Variants in ERCC6L2 observed in about 807,000 individuals in gnomAD.
ERCC6L2 encodes the protein ERCC excision repair 6 like 2.
In ERCC6L2, 77 loss-of-function variants were observed where a neutral mutation model predicts 132.0. The observed-to-expected ratio is 0.58, with a 90% CI of 0.49 to 0.71. ERCC6L2 has a LOEUF of 0.71. Among genes scored for constraint, ERCC6L2 ranks in the 30% least tolerant of loss-of-function variants. The pLI is 0.00. For synonymous variants in ERCC6L2, 583 were observed against 632.4 expected, an observed-to-expected ratio of 0.92 and a Z score of 1.17; for missense variants, 1,542 against 1,837.6, an observed-to-expected ratio of 0.84 and a Z score of 2.94.
intron 2 of ERCC6L2, among the ~76,000 whole-genome samples, chr9:95,882,916 G>GAT (rs1351355195): frequency 1.3e-5 from 2 of 152,194 alleles, no homozygotes; most frequent in Non-Finnish European, 2.9e-5. Flanking sequence ...GTGGAGGATA[G>GAT]ACAGCAAGAA....
chr9:95,878,018 A>AC (rs1827381255), intron 1 of ERCC6L2, among the ~76,000 whole-genome samples: 2 of 152,298 alleles, frequency 1.3e-5, no homozygotes, highest in South Asian at 4.1e-4. Flanking sequence ...TAAAATGATG[A>AC]GATAGAGAAT....
chr9:95,929,289 A>T (rs893610402), intron 11 of ERCC6L2, among the ~76,000 whole-genome samples: 6 of 152,198 alleles, frequency 3.9e-5, no homozygotes, highest in African/African-American at 1.4e-4. Context: ...CCTCTACCTC[A>T]TCTCAACTGG....
rs927058404 is a variant in ERCC6L2, at chr9:95,909,178, G to C, written c.788+1907G>C. Among the ~76,000 whole-genome samples, 3 of 152,202 alleles carry C rather than the reference G, an allele frequency of 2.0e-5. No homozygotes were observed. In the East Asian group the frequency reaches 5.8e-4, roughly 29 times the overall value. On this transcript the variant is annotated intron_variant, in intron 4 of 18. Coordinates refer to ENST00000653738, the MANE Select transcript of ERCC6L2 (RefSeq NM_020207.7). ...TTTGATGAATCTTGACCAGGGATTGGTAAACTTTTTCTGTAAAGGGCCAGA... is the reference window on the plus strand; with the variant it reads ...TTTGATGAATCTTGACCAGGGATTGCTAAACTTTTTCTGTAAAGGGCCAGA...
downstream of ERCC6L2, among the ~76,000 whole-genome samples, chr9:96,022,881 A>G (rs1299493757): frequency 6.6e-6 from 1 of 152,028 alleles, no homozygotes; most frequent in East Asian, 1.9e-4. Context: ...TCCTAACCTC[A>G]GGCCGGCTTG....
At chr9:95,883,862 C>CA (rs1355153731) in intron 2 of ERCC6L2, among the ~76,000 whole-genome samples, 3 of 152,070 alleles carry the variant, frequency 2.0e-5, no homozygotes, top group Admixed American at 2.0e-4. Context: ...GTCTCACATA[C>CA]AAAAAAAGAA....
downstream of ERCC6L2, chr9:96,020,664 T>A: frequency 2.4e-6 from 1 of 409,438 alleles, no homozygotes; most frequent in Non-Finnish European, 4.9e-6. Flanking sequence ...GATGATGGAA[T>A]GCCCTCCCAA....
chr9:95,960,236 G>A (rs566661678), intron 13 of ERCC6L2, among the ~76,000 whole-genome samples: 17 of 152,056 alleles, frequency 1.1e-4, no homozygotes, highest in Non-Finnish European at 1.8e-4. Flanking sequence ...AGTAGACAGA[G>A]ATAAGCATGT....
At chr9:95,905,845 AT>A (rs1409175758) in intron 3 of ERCC6L2, among the ~76,000 whole-genome samples, 1 of 152,212 alleles carries the variant, frequency 6.6e-6, no homozygotes, top group Admixed American at 6.5e-5. Context: ...TTAGAGCAGT[AT>A]TGTATTATTT....
chr9:95,934,110 A>G (rs939815515), intron 11 of ERCC6L2, among the ~76,000 whole-genome samples: 13 of 152,200 alleles, frequency 8.5e-5, no homozygotes, highest in African/African-American at 3.1e-4. Context: ...CTCAGAGGAA[A>G]GCCTGAAAGA....
chr9:95,877,470 A>G (rs982199084), intron 1 of ERCC6L2, among the ~76,000 whole-genome samples: 1 of 151,882 alleles, frequency 6.6e-6, no homozygotes, highest in Non-Finnish European at 1.5e-5. Flanking sequence ...ACAGTTATGT[A>G]TATGTTGGTG....
rs1339780016 is a variant in ERCC6L2, at chr9:95,978,226, T to TA, written c.3492+12dup. 2 of 1,348,766 alleles carry TA rather than the reference T, an allele frequency of 1.5e-6. No homozygotes were observed. The highest frequency in any genetic ancestry group is 2.0e-6 in the Non-Finnish European group (2 of 1,013,016). 83.5% of individuals were successfully genotyped at this position (1,348,766 alleles called of 1,614,324 possible). The stretch of plus-strand genomic sequence containing the variant: ...GTTTGCAGTTCTAAGGTAAGAAAAA[T>TA]ATAGGGTAGTATCATCTTTAGTTAC... On this transcript the variant is annotated intron_variant, in intron 17 of 18. Transcript: ENST00000653738.
At chr9:95,960,979 A>C (rs1312498136) in intron 13 of ERCC6L2, among the ~76,000 whole-genome samples, 1 of 152,176 alleles carries the variant, frequency 6.6e-6, no homozygotes. Context: ...AACACTTCCA[A>C]CTTACTTCAC....
chr9:95,908,172 C>T (rs1267886776), intron 4 of ERCC6L2, among the ~76,000 whole-genome samples: 1 of 152,108 alleles, frequency 6.6e-6, no homozygotes, highest in Non-Finnish European at 1.5e-5. Flanking sequence ...TCCTCAACCC[C>T]CATTCCACAA....
chr9:95,928,697 C>T (rs1403128775), intron 10 of ERCC6L2, 22 bp from the exon 11 acceptor site: 1 of 1,575,608 alleles, frequency 6.3e-7, no homozygotes. Flanking sequence ...CATGTTTGCC[C>T]ATCTTCATAC....
intron 13 of ERCC6L2, among the ~76,000 whole-genome samples, chr9:95,964,713 G>A (rs619497): frequency 0.51 from 78,045 of 151,928 alleles, 20,714 homozygotes; most frequent in East Asian, 0.65. Flanking sequence ...CCTTGTATGG[G>A]TTTTTCATAA....
chr9:96,021,310 A>T (rs992839384), downstream of ERCC6L2: 1 of 332,828 alleles, frequency 3.0e-6, no homozygotes, highest in African/African-American at 2.3e-5. The surrounding 1 kb of genome is among the most constrained non-coding windows in gnomAD (Gnocchi z 4.7). Flanking sequence ...GCAAGCGATT[A>T]ACTGATGGCT....
intron 19 of ERCC6L2, among the ~76,000 whole-genome samples, chr9:96,028,538 G>A (rs955937167): frequency 1.3e-5 from 2 of 152,286 alleles, no homozygotes; most frequent in Middle Eastern, 3.4e-3. Context: ...TAGGCAAGTC[G>A]AGCCACTTGC....
chr9:96,036,741 AATTATT>A (rs376440816), intron 19 of ERCC6L2, among the ~76,000 whole-genome samples: 1 of 143,004 alleles, frequency 7.0e-6, no homozygotes, highest in East Asian at 2.0e-4. Flanking sequence ...CATTTTTTTA[AATTATT>A]ATTATTATTA....
intron 19 of ERCC6L2, among the ~76,000 whole-genome samples, chr9:96,026,466 C>G (rs780616240): frequency 4.6e-5 from 7 of 152,088 alleles, no homozygotes; most frequent in Non-Finnish European, 8.8e-5. Flanking sequence ...AGCGCGGAGT[C>G]TCTGGGTCAG....
Sources: allele counts gnomAD v4.1 joint callset (sites outside exome capture counted in the v4.1 genomes callset), GRCh38; gene constraint gnomAD v4.1.1; non-coding constraint Gnocchi (gnomAD v3.1); transcripts MANE v1.5; gene names NCBI Gene and HGNC (gene_info 2026-07-23, HGNC 2026-07-21).